Variants in TLK1 observed in about 807,000 individuals in gnomAD.
TLK1 encodes tousled like kinase 1.
A neutral mutation model predicts 105.3 loss-of-function variants in TLK1; 24 were observed. That is an observed-to-expected ratio of 0.23 (90% confidence interval 0.17 to 0.32). The LOEUF is 0.32. TLK1 is among the 10% of genes least tolerant of loss of function. The pLI, the probability that TLK1 is intolerant of heterozygous loss-of-function variation, is 1.00. For synonymous variants in TLK1, 321 were observed against 310.4 expected, an observed-to-expected ratio of 1.03 and a Z score of -0.36; for missense variants, 558 against 910.5, an observed-to-expected ratio of 0.61 and a Z score of 4.98.
chr2:171,001,324 T>C (rs1385406290), intron 18 of TLK1, among the ~76,000 whole-genome samples: 3 of 152,168 alleles, frequency 2.0e-5, no homozygotes, highest in Non-Finnish European at 4.4e-5. Context: ...GAATTAGATA[T>C]TGTTGTGTTT....
rs994889780 is a variant in TLK1 at position 171,203,966 on chromosome 2, C to T, written c.-6+27179G>A. Among the ~76,000 whole-genome samples the T allele has an allele frequency of 1.4e-4, 22 of 151,912 alleles. 1 individual carries two copies. The highest frequency in any genetic ancestry group is 3.9e-4 in the East Asian group (2 of 5,186). On this transcript the variant is annotated intron_variant, in intron 1 of 20. Coordinates refer to the TLK1 transcript ENST00000521943. ...ACTTGGGAGGCTGAGGCAGGAGAATCGCTTGAACCGGTGGGGGGCAGAGCT... is the reference window on the plus strand; with the variant it reads ...ACTTGGGAGGCTGAGGCAGGAGAATTGCTTGAACCGGTGGGGGGCAGAGCT...
At chr2:171,186,327 G>C (rs1026582051) in intron 1 of TLK1, among the ~76,000 whole-genome samples, 1 of 152,172 alleles carries the variant, frequency 6.6e-6, no homozygotes, top group East Asian at 1.9e-4. Context: ...ACATGGAAGC[G>C]ACACATTTAA....
chr2:171,073,892 TTTTC>T (rs1294322418), intron 3 of TLK1, among the ~76,000 whole-genome samples: 1 of 141,422 alleles, frequency 7.1e-6, no homozygotes, highest in African/African-American at 2.5e-5. Flanking sequence ...CCTCCTTTTT[TTTTC>T]TTTCTTTTTT....
intron 18 of TLK1, among the ~76,000 whole-genome samples, chr2:171,000,991 A>G (rs78806627): frequency 0.015 from 2,338 of 152,234 alleles, 57 homozygotes; most frequent in African/African-American, 0.05. Context: ...TCCAAGATCC[A>G]TATCTTGAAA....
intron 2 of TLK1, among the ~76,000 whole-genome samples, chr2:171,093,637 C>T (rs1440841426): frequency 6.6e-6 from 1 of 151,658 alleles, no homozygotes; most frequent in Non-Finnish European, 1.5e-5. Flanking sequence ...TGAACTTCAA[C>T]TTAAAAACTA....
intron 1 of TLK1, among the ~76,000 whole-genome samples, chr2:171,225,979 GT>G (rs1304513314): frequency 2.7e-5 from 4 of 150,342 alleles, no homozygotes; most frequent in African/African-American, 7.3e-5. Context: ...TATTAGGTTT[GT>G]TTTTTTTTAA....
At chr2:171,157,487 G>GAA in intron 1 of TLK1, among the ~76,000 whole-genome samples, 1 of 152,162 alleles carries the variant, frequency 6.6e-6, no homozygotes, top group South Asian at 2.1e-4. Context: ...ACTGACAAGC[G>GAA]AAAAGCTTTG....
intron 12 of TLK1, among the ~76,000 whole-genome samples, chr2:171,017,652 A>T (rs1685272769): frequency 6.6e-6 from 1 of 152,250 alleles, no homozygotes. Flanking sequence ...AGCAAATTAA[A>T]GCAAGCTTTT....
At position 171,007,057 on chromosome 2, in the gene TLK1, C is replaced by A; in HGVS notation, c.1423G>T (p.Asp475Tyr). 6.3e-7 allele frequency: 1 copy of A among 1,599,710 alleles called. No homozygotes were observed. Among genetic ancestry groups the A allele is most frequent in the South Asian group, 1.1e-5 (1 of 87,626 alleles). The change falls in exon 15 of 21, where the codon GAC (aspartate) becomes TAC (tyrosine). Residue 475 changes from aspartate (D) to tyrosine (Y), a missense_variant. Asp to Tyr is a radical substitution (Grantham distance 160). Transcript: ENST00000431350. ...GCAGCATATCTTTGTTCATAAAGGT[C>A]AAAAGCCTAGGATTTCAAGTCAAAA... is the stretch of plus-strand genomic sequence containing the variant. The part of the protein sequence containing the change: ...GGFSEVYKAF[D>Y]LYEQRYAAVK...
chr2:171,102,596 CCTCATT>C (rs2105507237), intron 2 of TLK1, among the ~76,000 whole-genome samples: 1 of 152,128 alleles, frequency 6.6e-6, no homozygotes, highest in East Asian at 1.9e-4. Context: ...ATTTAAAATC[CCTCATT>C]CTAACTGTGT....
chr2:171,077,873 A>C (rs1478763606), intron 3 of TLK1, among the ~76,000 whole-genome samples: 2 of 152,242 alleles, frequency 1.3e-5, no homozygotes. Flanking sequence ...TTCATGAGCT[A>C]ATGAAAGTTA....
intron 1 of TLK1, among the ~76,000 whole-genome samples, chr2:171,118,448 C>A (rs1690522837): frequency 6.6e-6 from 1 of 152,080 alleles, no homozygotes; most frequent in African/African-American, 2.4e-5. Context: ...TTGTCACAAT[C>A]CTTAAGATTT....
chr2:171,180,218 G>T (rs2105307339), intron 1 of TLK1, among the ~76,000 whole-genome samples: 1 of 151,176 alleles, frequency 6.6e-6, no homozygotes, highest in Admixed American at 6.6e-5. Flanking sequence ...GCGAGACTTT[G>T]TCTAAAAAAA....
At chr2:171,095,796 T>TA (rs1226970846) in intron 2 of TLK1, among the ~76,000 whole-genome samples, 131 of 147,518 alleles carry the variant, frequency 8.9e-4, no homozygotes, top group Admixed American at 1.7e-3. Context: ...TTTCATGATT[T>TA]AAAAAAAAAA....
intron 1 of TLK1, among the ~76,000 whole-genome samples, chr2:171,224,708 C>A (rs1272070150): frequency 6.6e-6 from 1 of 151,982 alleles, no homozygotes; most frequent in African/African-American, 2.4e-5. Context: ...ACAAACTCAT[C>A]CTAAAATTTA....
chr2:171,055,864 T>G (rs938866895), intron 6 of TLK1, among the ~76,000 whole-genome samples: 11 of 152,026 alleles, frequency 7.2e-5, no homozygotes, highest in African/African-American at 2.7e-4. Context: ...CTTTAATTCC[T>G]CTTTAAATTA....
rs1466039259 is a variant in TLK1, at chr2:171,218,657, G to A, written c.-6+12488C>T. 2.0e-5 allele frequency among the ~76,000 whole-genome samples: 3 copies of A among 152,120 alleles called. No individual in the cohort carries two copies. The East Asian group carries it at 5.8e-4, about 29-fold the overall frequency. ...AAGGGCTGCTCTCTGCTTCCAAGAT[G>A]GCACCTTGTTGCTGCATCCTCTGGG... is the stretch of plus-strand genomic sequence containing the variant. On this transcript the variant is annotated intron_variant, in intron 1 of 20. Coordinates refer to the TLK1 transcript ENST00000521943.
At chr2:171,055,286 GAAT>G (rs888009266) in intron 6 of TLK1, 114 bp from the exon 7 acceptor site, 13 of 618,162 alleles carry the variant, frequency 2.1e-5, no homozygotes, top group African/African-American at 1.4e-4. Context: ...GTTTCTATCA[GAAT>G]AATACCTAAA....
intron 11 of TLK1, among the ~76,000 whole-genome samples, chr2:171,039,918 G>T (rs1253177421): frequency 6.6e-6 from 1 of 151,994 alleles, no homozygotes. Flanking sequence ...ATTCTTGGCA[G>T]AAAAATCTTG....
Sources: allele counts gnomAD v4.1 joint callset (sites outside exome capture counted in the v4.1 genomes callset), GRCh38; gene constraint gnomAD v4.1.1; transcripts MANE v1.5; gene names NCBI Gene and HGNC (gene_info 2026-07-23, HGNC 2026-07-21).